The following ZNF596 variants were observed in gnomAD, a reference collection of about 807,000 sequenced individuals.
ZNF596 encodes zinc finger protein 596.
Under a neutral mutation model 48.3 loss-of-function variants are expected in ZNF596, and 45 were observed. The ratio of observed to expected loss-of-function variants is 0.93; its 90% CI spans 0.73 to 1.19. The LOEUF (loss-of-function observed/expected upper bound fraction) is 1.19. ZNF596 is among the 50% of genes most tolerant of loss of function. The pLI, the probability that ZNF596 is intolerant of heterozygous loss-of-function variation, is 0.00. For synonymous variants in ZNF596, 270 were observed against 202.0 expected (o/e 1.34, Z -2.85); for missense variants, 848 against 599.7 (o/e 1.41, Z -4.32).
chr8:237,293 A>C (rs185968172), intron 1 of ZNF596: 1 of 152,152 alleles, frequency 6.6e-6, no homozygotes, highest in Admixed American at 6.5e-5. Context: ...CTGTTCATTC[A>C]TTACATTATT....
At chr8:244,264 A>T (rs1485150166) in intron 4 of ZNF596, 2 of 250,892 alleles carry the variant, frequency 8.0e-6, no homozygotes, top group South Asian at 5.9e-5. Context: ...AGATATTGTC[A>T]TTATACTTTG....
chr8:244,165 C>T (rs756160448), intron 4 of ZNF596: 59 of 213,180 alleles, frequency 2.8e-4, no homozygotes, highest in Non-Finnish European at 4.9e-4. Flanking sequence ...GCTGGGATTA[C>T]AGTCATGAAC....
intron 1 of ZNF596, 186 bp from the exon 2 acceptor site, chr8:240,638 T>G (rs548336893): frequency 4.4e-4 from 216 of 489,502 alleles, no homozygotes; most frequent in African/African-American, 3.5e-3. Context: ...ATAAAAATAT[T>G]TATATCTTTA....
intron 1 of ZNF596, chr8:233,439 T>C (rs1410377757): frequency 3.5e-6 from 1 of 283,508 alleles, no homozygotes; most frequent in Non-Finnish European, 7.0e-6. Flanking sequence ...GTTTACTAAA[T>C]GCTTTTTACA....
chr8:241,556 C>G (rs1054101745), intron 2 of ZNF596, among the ~76,000 whole-genome samples: 4 of 152,188 alleles, frequency 2.6e-5, no homozygotes, highest in African/African-American at 9.6e-5. Context: ...CTGGAAGCAA[C>G]TGGAGTGTTG....
chr8:234,167 G>C (rs1048779616), intron 1 of ZNF596, among the ~76,000 whole-genome samples: 1 of 152,196 alleles, frequency 6.6e-6, no homozygotes, highest in Non-Finnish European at 1.5e-5. Flanking sequence ...ACCAGAGAAA[G>C]AAAAAGCCTT....
At chr8:234,812 A>T (rs1796557608) in intron 1 of ZNF596, 1 of 152,204 alleles carries the variant, frequency 6.6e-6, no homozygotes, top group Non-Finnish European at 1.5e-5. Flanking sequence ...TCACACCCAG[A>T]CATAGATTAT....
chr8:246,576 C>G lies in ZNF596; in HGVS notation c.*214C>G. 1 of 494,948 alleles carries G rather than the reference C, an allele frequency of 2.0e-6. No homozygotes were observed. Among genetic ancestry groups the G allele is most frequent in the Non-Finnish European group, 3.4e-6 (1 of 294,504 alleles). 30.7% of individuals were successfully genotyped at this position (494,948 alleles called of 1,614,324 possible). ...CCATATACAACGTGAGAGAATGAAA[C>G]TATAGATCAAAGGAATGTGGAGGAG... On this transcript the variant is annotated 3_prime_UTR_variant, in exon 6 of 6. Coordinates refer to ENST00000398612, the MANE Select transcript of ZNF596 (RefSeq NM_001042416.3).
chr8:236,766 T>G (rs1255498914), intron 1 of ZNF596, among the ~76,000 whole-genome samples: 1 of 152,250 alleles, frequency 6.6e-6, no homozygotes, highest in Non-Finnish European at 1.5e-5. Flanking sequence ...CTGTCATTAT[T>G]TAACCATACC....
intron 2 of ZNF596, among the ~76,000 whole-genome samples, chr8:242,610 A>T (rs1459285264): frequency 6.6e-6 from 1 of 152,228 alleles, no homozygotes; most frequent in Admixed American, 6.5e-5. Flanking sequence ...CATAATTAGT[A>T]TCTGTAAGTT....
intron 1 of ZNF596, among the ~76,000 whole-genome samples, chr8:239,032 G>C (rs996586312): frequency 6.6e-6 from 1 of 152,084 alleles, no homozygotes; most frequent in Non-Finnish European, 1.5e-5. Flanking sequence ...TCAATACAAG[G>C]CTTCAAGAGC....
Position 245,382 on chromosome 8 carries a change from A to G in ZNF596, c.535A>G (p.Asn179Asp). 1 of 1,614,174 alleles carries G rather than the reference A, an allele frequency of 6.2e-7. No homozygotes were observed. Among genetic ancestry groups the G allele is most frequent in the Non-Finnish European group, 8.5e-7 (1 of 1,180,012 alleles). Residue 179 changes from asparagine to aspartate, a missense_variant, in exon 6 of 6, where the codon AAC becomes GAC. Transcript: ENST00000398612. ...SHLFDYAFIQ[N>D]SALRPHSVTH... ...TCTATTTGATTATGCCTTTATCCAA[A>G]ACTCTGCCCTTAGACCACACAGTGT...
rs760617666 is a variant in ZNF596 at position 240,868 on chromosome 8, G to T, written c.-28G>T. ...GGATGGTGTGAGTGAAAACCCAGAG[G>T]AATACATTTGGTGGCTGAGCTAGTA... On this transcript the variant is annotated 5_prime_UTR_variant, in exon 2 of 6. Transcript: ENST00000398612. The T allele has an allele frequency of 1.9e-6, 3 of 1,613,928 alleles. No individual in the cohort carries two copies. The highest frequency in any genetic ancestry group is 2.5e-6 in the Non-Finnish European group (3 of 1,179,906).
rs1003115532 is a variant in ZNF596, at chr8:246,827, G to T, written c.*465G>T. ...CATTATAAGGTAACTGATAAAAACAGGAAATATGTGAAAATATTTTTTATT... is the reference window on the plus strand; with the variant it reads ...CATTATAAGGTAACTGATAAAAACATGAAATATGTGAAAATATTTTTTATT... On this transcript the variant is annotated 3_prime_UTR_variant, in exon 6 of 6. Transcript: ENST00000398612. 6.5e-6 allele frequency: 1 copy of T among 154,368 alleles called. No homozygotes were observed. The highest frequency in any genetic ancestry group is 1.4e-5 in the Non-Finnish European group (1 of 69,650). 9.6% of individuals were successfully genotyped at this position (154,368 alleles called of 1,614,324 possible).
chr8:233,027 A>T (rs1054301095), intron 1 of ZNF596: 3 of 468,242 alleles, frequency 6.4e-6, no homozygotes, highest in African/African-American at 4.2e-5. Flanking sequence ...GGGCTTCTTC[A>T]TTGCCTCGCT....
intron 1 of ZNF596, among the ~76,000 whole-genome samples, chr8:233,895 A>G (rs1326871125): frequency 1.3e-5 from 2 of 152,184 alleles, no homozygotes; most frequent in Non-Finnish European, 2.9e-5. Context: ...GTTAAGGGAA[A>G]ACTGCCACTA....
chr8:237,917 C>G (rs1796684529), intron 1 of ZNF596, among the ~76,000 whole-genome samples: 1 of 152,190 alleles, frequency 6.6e-6, no homozygotes, highest in African/African-American at 2.4e-5. Flanking sequence ...ACCATGAGGT[C>G]TGGACATCTC....
At position 242,773 on chromosome 8, in the gene ZNF596, T is replaced by A. The variant is rs953922557; in HGVS notation, c.13-114T>A. Reference sequence around the variant, plus strand: ...TGTGACAGGAACCCCAAACACTGTTTTGAGTTTTCTGTTCATACCACCCAC... The same window carrying A: ...TGTGACAGGAACCCCAAACACTGTTATGAGTTTTCTGTTCATACCACCCAC... On this transcript the variant is annotated intron_variant, in intron 2 of 5. Coordinates refer to ENST00000398612, the MANE Select transcript of ZNF596 (RefSeq NM_001042416.3). 9 of 1,026,398 alleles carry A rather than the reference T, an allele frequency of 8.8e-6. No individual in the cohort carries two copies. In the African/African-American group the frequency reaches 1.1e-4, roughly 13 times the overall value. The allele number at this position is 1,026,398 out of a possible 1,614,324, so 63.6% of individuals were successfully genotyped here.
intron 1 of ZNF596, 61 bp from the exon 2 acceptor site, chr8:240,763 G>T: frequency 1.8e-6 from 2 of 1,120,710 alleles, no homozygotes; most frequent in Non-Finnish European, 2.7e-6. Flanking sequence ...CTTTGGGGCA[G>T]ATGTTAGAAG....
Sources: gnomAD v4.1 joint callset for allele counts (sites outside exome capture counted in the v4.1 genomes callset) on GRCh38, gnomAD v4.1.1 for gene constraint, MANE v1.5 for transcripts, NCBI Gene and HGNC (gene_info 2026-07-23, HGNC 2026-07-21) for gene names.